VHL: variants seen among roughly 807,000 people sequenced by gnomAD.
VHL encodes von Hippel-Lindau disease tumor suppressor.
A neutral mutation model predicts 19.2 loss-of-function variants in VHL; 10 were observed. The observed-to-expected ratio is 0.52, with a 90% confidence interval of 0.32 to 0.89. The LOEUF (loss-of-function observed/expected upper bound fraction) is 0.89, where lower values mean the gene tolerates loss of function less well. Among genes scored for constraint, VHL ranks in the 40% least tolerant of loss-of-function variants. The pLI, the probability that VHL is intolerant of heterozygous loss-of-function variation, is 0.03. For synonymous variants in VHL, 167 were observed against 129.5 expected (o/e 1.29, Z -1.97); for missense variants, 328 against 292.7 (o/e 1.12, Z -0.88).
chr3:10,147,201 G>C (rs536429573), intron 2 of VHL, among the ~76,000 whole-genome samples: 5 of 151,886 alleles, frequency 3.3e-5, no homozygotes, highest in African/African-American at 1.2e-4. Flanking sequence ...TAGTAGAGAC[G>C]GGGTTTCACC....
rs1277221408 is a variant in VHL, at chr3:10,141,932, G to T, written c.85G>T (p.Gly29Cys). 1.9e-6 allele frequency: 3 copies of T among 1,540,064 alleles called. No homozygotes were observed. Among genetic ancestry groups the T allele is most frequent in the Non-Finnish European group, 2.6e-6 (3 of 1,141,346 alleles). ...CGAAGAGTACGGCCCTGAAGAAGAC[G>T]GCGGGGAGGAGTCGGGCGCCGAGGA... ...GVEEYGPEED[G>C]GEESGAEESG... The change falls in exon 1 of 3, where the codon GGC becomes TGC. Residue 29 changes from glycine (G) to cysteine (C), a missense_variant. Transcript: ENST00000256474.
At chr3:10,144,802 C>A (rs1170053394) in intron 1 of VHL, among the ~76,000 whole-genome samples, 1 of 151,732 alleles carries the variant, frequency 6.6e-6, no homozygotes. Context: ...GGTACATGTG[C>A]ACAACGTGCA....
chr3:10,146,328 C>G (rs1030535845), intron 1 of VHL, among the ~76,000 whole-genome samples, 186 bp from the exon 2 acceptor site: 5 of 12,698 alleles, frequency 3.9e-4, no homozygotes, highest in African/African-American at 5.2e-4. Flanking sequence ...CGCTCGCCAC[C>G]ACACCTGGCT....
intron 1 of VHL, among the ~76,000 whole-genome samples, chr3:10,144,343 A>T (rs1320713118): frequency 6.6e-6 from 1 of 151,768 alleles, no homozygotes; most frequent in African/African-American, 2.4e-5. Flanking sequence ...AGCAGGGCAC[A>T]TTCCTGCCTT....
At position 10,150,689 on chromosome 3, in the gene VHL, T is replaced by G. The variant is rs13090104; in HGVS notation, c.*724T>G. 2,553 of 234,114 alleles carry G rather than the reference T, an allele frequency of 0.011. 61 individuals are homozygous for G. Among genetic ancestry groups the G allele is most frequent in the African/African-American group, 0.052 (2,373 of 45,474 alleles). The allele number at this position is 234,114 out of a possible 1,614,324, so 14.5% of individuals were successfully genotyped here. A position where few individuals can be genotyped will look rare whatever the true frequency, so the allele number is the denominator to read the frequency against. ...TTGTTGAAGTGCTGTTTTATTACTG[T>G]TTCTAAACTAGGATTGACATTCTAC... is the stretch of plus-strand genomic sequence containing the variant. On this transcript the variant is annotated 3_prime_UTR_variant, in exon 3 of 3. Transcript: ENST00000256474.
rs758157229 is a variant in VHL, at chr3:10,146,676, G to A, written c.463+40G>A. On this transcript the variant is annotated intron_variant, in intron 2 of 2. Transcript: ENST00000256474. Reference sequence around the variant, plus strand: ...CTTTTTAAAAAGATAAGGTTGTTGTGGTAAGTACAGGATAGACCACTTGAA... The same window carrying A: ...CTTTTTAAAAAGATAAGGTTGTTGTAGTAAGTACAGGATAGACCACTTGAA... 3 of 1,610,160 alleles carry A rather than the reference G, an allele frequency of 1.9e-6. No individual in the cohort carries two copies. The African/African-American group carries it at 4.0e-5, about 22-fold the overall frequency.
chr3:10,149,991 TTCA>T lies in VHL; in HGVS notation c.*29_*31del, dbSNP rs1696369542. 1 of 1,605,550 alleles carries T rather than the reference TTCA, an allele frequency of 6.2e-7. No homozygotes were observed. The highest frequency in any genetic ancestry group is 1.1e-5 in the South Asian group (1 of 89,808). On this transcript the variant is annotated 3_prime_UTR_variant, in exon 3 of 3. Coordinates refer to ENST00000256474, the MANE Select transcript of VHL (RefSeq NM_000551.4). ...AGATTTCTGTTGAAACTTACACTGT[TTCA>T]TCTCAGCTTTTGATGGTACTGATGA... is the stretch of plus-strand genomic sequence containing the variant.
At chr3:10,146,468 C>A (rs2125128120) in intron 1 of VHL, 46 bp from the exon 2 acceptor site, 1 of 1,610,472 alleles carries the variant, frequency 6.2e-7, no homozygotes. Flanking sequence ...GCCACCGTGC[C>A]CAGCCACCGG....
chr3:10,144,424 T>G (rs1324933961), intron 1 of VHL, among the ~76,000 whole-genome samples: 1 of 151,378 alleles, frequency 6.6e-6, no homozygotes, highest in African/African-American at 2.4e-5. Flanking sequence ...TACAGTGAAC[T>G]ATGATGGTGC....
intron 2 of VHL, 40 bp from the exon 3 acceptor site, chr3:10,149,747 C>A (rs111630365): frequency 1.3e-6 from 2 of 1,562,346 alleles, no homozygotes; most frequent in African/African-American, 2.7e-5. Flanking sequence ...TGTACTGAGA[C>A]CCTAGTCTGC....
At chr3:10,146,430 TC>T (rs1216900023) in intron 1 of VHL, 83 bp from the exon 2 acceptor site, 1 of 1,589,472 alleles carries the variant, frequency 6.3e-7, no homozygotes, top group Non-Finnish European at 8.6e-7. Context: ...TGCCTCGGCC[TC>T]CCAAAGTGCT....
At position 10,141,790 on chromosome 3, in the gene VHL, C is replaced by T. The variant is rs1416297942; in HGVS notation, c.-58C>T. The stretch of plus-strand genomic sequence containing the variant: ...CGGGAGCGCGCACGCAGCTCCGCCC[C>T]GCGTCCGACCCGCGGATCCCGCGGC... On this transcript the variant is annotated 5_prime_UTR_variant, in exon 1 of 3. Coordinates refer to ENST00000256474, the MANE Select transcript of VHL (RefSeq NM_000551.4). 10 of 1,528,030 alleles carry T rather than the reference C, an allele frequency of 6.5e-6. No individual in the cohort carries two copies. The East Asian group carries it at 7.4e-5, about 11-fold the overall frequency. 94.7% of individuals were successfully genotyped at this position (1,528,030 alleles called of 1,614,324 possible). A position where few individuals can be genotyped will look rare whatever the true frequency, so the allele number is the denominator to read the frequency against.
chr3:10,146,590 T>A lies in VHL; in HGVS notation c.417T>A (p.Ser139=), dbSNP rs1406004337. Residue 139 remains serine, a synonymous_variant, in exon 2 of 3, where the codon TCT becomes TCA. Coordinates refer to ENST00000256474, the MANE Select transcript of VHL (RefSeq NM_000551.4). The stretch of plus-strand genomic sequence containing the variant: ...ACCAAACTGAATTATTTGTGCCATC[T>A]CTCAATGTTGACGGACAGCCTATTT... ...LVNQTELFVP[S]LNVDGQPIFA... 1 of 1,613,944 alleles carries A rather than the reference T, an allele frequency of 6.2e-7. No individual in the cohort carries two copies.
chr3:10,146,743 G>C (rs915946923), intron 2 of VHL, 107 bp downstream of exon 2: 2 of 1,373,112 alleles, frequency 1.5e-6, no homozygotes, highest in East Asian at 4.6e-5. Context: ...TGTCAGGCAC[G>C]TTATCCAATC....
At chr3:10,149,416 G>A (rs558737989) in intron 2 of VHL, among the ~76,000 whole-genome samples, 3 of 152,096 alleles carry the variant, frequency 2.0e-5, no homozygotes, top group Non-Finnish European at 4.4e-5. Flanking sequence ...CCTGGCCAGG[G>A]CCTGTTCCTC....
intron 1 of VHL, among the ~76,000 whole-genome samples, chr3:10,143,821 C>G (rs1318714779): frequency 1.3e-5 from 2 of 152,146 alleles, no homozygotes; most frequent in Non-Finnish European, 2.9e-5. Flanking sequence ...CCCAGGTTGC[C>G]AAGTGGTTTG....
chr3:10,148,113 A>AC lies in VHL; in HGVS notation c.463+1478dup, dbSNP rs553986453. Among the ~76,000 whole-genome samples the AC allele has an allele frequency of 7.3e-5, 11 of 151,052 alleles. 1 individual carries two copies. The East Asian group carries it at 9.7e-4, about 13-fold the overall frequency. On this transcript the variant is annotated intron_variant, in intron 2 of 2. Coordinates refer to ENST00000256474, the MANE Select transcript of VHL (RefSeq NM_000551.4). ...CCTGTCTCAAAAAAAGAAAAAAAAA[A>AC]CTCAAAAACCCCCCAAATACATGGG...
At chr3:10,148,338 G>A (rs1341169596) in intron 2 of VHL, among the ~76,000 whole-genome samples, 2 of 132,636 alleles carry the variant, frequency 1.5e-5, no homozygotes, top group Non-Finnish European at 3.1e-5. Context: ...TTTTTGAGAC[G>A]GAGTCTCGCT....
In VHL at chr3:10,151,288, A is replaced by G. The variant is rs1696403789; in HGVS notation, c.*1323A>G. 1 of 210,480 alleles carries G rather than the reference A, an allele frequency of 4.8e-6. No homozygotes were observed. Among genetic ancestry groups the G allele is most frequent in the Non-Finnish European group, 9.6e-6 (1 of 103,724 alleles). The allele number at this position is 210,480 out of a possible 1,614,324, so 13.0% of individuals were successfully genotyped here. The stretch of plus-strand genomic sequence containing the variant: ...CCTGGACTGTTTCATAGTTTTCTAA[A>G]TGTACAAATTCTTATAGGCTAGACT... On this transcript the variant is annotated 3_prime_UTR_variant, in exon 3 of 3. Transcript: ENST00000256474.
Sources: gnomAD v4.1 joint callset for allele counts (sites outside exome capture counted in the v4.1 genomes callset) on GRCh38, gnomAD v4.1.1 for gene constraint, MANE v1.5 for transcripts, NCBI Gene and HGNC (gene_info 2026-07-23, HGNC 2026-07-21) for gene names.